The following TMEM17 variants were observed in gnomAD, a reference collection of about 807,000 sequenced individuals.
TMEM17 encodes transmembrane protein 17.
In TMEM17, 15 loss-of-function variants were observed where a neutral mutation model predicts 19.1. That is an observed-to-expected ratio of 0.78 (90% CI 0.52 to 1.21). TMEM17 has a LOEUF of 1.21. TMEM17 is among the 50% of genes most tolerant of loss of function. The probability of loss-of-function intolerance (pLI) is 0.00; values close to 1 mark genes in which losing one functional copy is unlikely to be tolerated. For synonymous variants in TMEM17, 103 were observed against 86.9 expected (o/e 1.19, Z -1.03); for missense variants, 245 against 242.3 (o/e 1.01, Z -0.07).
downstream of TMEM17, among the ~76,000 whole-genome samples, chr2:62,497,062 G>C (rs187365931): frequency 2.0e-5 from 3 of 152,108 alleles, no homozygotes; most frequent in Non-Finnish European, 4.4e-5. Context: ...CTGAAAAGAT[G>C]AATTAGAAAA....
At chr2:62,468,527 C>T in the TMEM17 span, among the ~76,000 whole-genome samples, 3 of 152,164 alleles carry the variant, frequency 2.0e-5, no homozygotes, top group African/African-American at 7.2e-5. Context: ...GTCACATCTA[C>T]GTTTAACCTC....
At chr2:62,471,865 C>T in the TMEM17 span, among the ~76,000 whole-genome samples, 8 of 152,228 alleles carry the variant, frequency 5.3e-5, no homozygotes, top group South Asian at 2.1e-4. Context: ...CTCTTCTCCA[C>T]GGGCTGCTGA....
At chr2:62,486,154 A>G in the TMEM17 span, among the ~76,000 whole-genome samples, 1 of 152,292 alleles carries the variant, frequency 6.6e-6, no homozygotes, top group Non-Finnish European at 1.5e-5. Context: ...TGACCAGGAA[A>G]GAATGGTTCA....
chr2:62,480,442 A>G, the TMEM17 span, among the ~76,000 whole-genome samples: 1 of 151,824 alleles, frequency 6.6e-6, no homozygotes, highest in African/African-American at 2.4e-5. Flanking sequence ...GTTACTTTTT[A>G]CTTTGGTTAT....
At chr2:62,489,512 A>G in the TMEM17 span, among the ~76,000 whole-genome samples, 1 of 152,260 alleles carries the variant, frequency 6.6e-6, no homozygotes, top group South Asian at 2.1e-4. Flanking sequence ...GGGCTTAATT[A>G]TTCTTGTATT....
chr2:62,505,467 T>C (rs917434275), intron 1 of TMEM17, among the ~76,000 whole-genome samples: 1 of 150,888 alleles, frequency 6.6e-6, no homozygotes, highest in Non-Finnish European at 1.5e-5. Flanking sequence ...CTCATTAACT[T>C]TTTTTTTTAA....
the TMEM17 span, among the ~76,000 whole-genome samples, chr2:62,459,579 C>A: frequency 1.3e-5 from 2 of 152,220 alleles, no homozygotes; most frequent in African/African-American, 4.8e-5. Flanking sequence ...TGCTTTTAAT[C>A]ACTACAAACT....
At chr2:62,479,585 T>C in the TMEM17 span, among the ~76,000 whole-genome samples, 1 of 152,136 alleles carries the variant, frequency 6.6e-6, no homozygotes, top group African/African-American at 2.4e-5. Flanking sequence ...CTTTCCTTTG[T>C]ATAAATTCCC....
At chr2:62,468,242 G>A in the TMEM17 span, among the ~76,000 whole-genome samples, 3 of 152,162 alleles carry the variant, frequency 2.0e-5, no homozygotes, top group Non-Finnish European at 1.5e-5. Flanking sequence ...AGAGGCTGCG[G>A]TTTGGCCCAG....
intron 1 of TMEM17, 82 bp downstream of exon 1, chr2:62,505,948 T>A (rs1680059120): frequency 1.5e-6 from 2 of 1,310,624 alleles, no homozygotes; most frequent in Admixed American, 2.2e-5. Context: ...CCATTTTAGG[T>A]ACGGGCAAAT....
At chr2:62,482,490 C>G in the TMEM17 span, among the ~76,000 whole-genome samples, 1 of 152,206 alleles carries the variant, frequency 6.6e-6, no homozygotes, top group African/African-American at 2.4e-5. Flanking sequence ...CTGTGGGGAA[C>G]TCATCCAGTG....
chr2:62,488,598 T>C, the TMEM17 span, among the ~76,000 whole-genome samples: 1 of 151,704 alleles, frequency 6.6e-6, no homozygotes, highest in Admixed American at 6.6e-5. Context: ...TCCAAACATA[T>C]AGGACCCAAC....
the TMEM17 span, among the ~76,000 whole-genome samples, chr2:62,489,060 T>G: frequency 6.6e-6 from 1 of 152,126 alleles, no homozygotes; most frequent in Non-Finnish European, 1.5e-5. Flanking sequence ...TCCCCTCAGG[T>G]ATGAAAATGG....
chr2:62,474,947 C>T, the TMEM17 span, among the ~76,000 whole-genome samples: 1 of 152,114 alleles, frequency 6.6e-6, no homozygotes, highest in Non-Finnish European at 1.5e-5. Context: ...AGCAATCTAC[C>T]CTTGATGATA....
At chr2:62,485,218 G>T in the TMEM17 span, among the ~76,000 whole-genome samples, 1 of 152,220 alleles carries the variant, frequency 6.6e-6, no homozygotes, top group Non-Finnish European at 1.5e-5. Context: ...AGGATTATAG[G>T]CATAAGCTAC....
chr2:62,498,439 G>A (rs1456590363), downstream of TMEM17, among the ~76,000 whole-genome samples: 8 of 142,148 alleles, frequency 5.6e-5, no homozygotes, highest in Admixed American at 1.4e-4. Context: ...AATTTTGGCC[G>A]GGCGCGGTGG....
chr2:62,497,744 C>G (rs1444233178), downstream of TMEM17, among the ~76,000 whole-genome samples: 5 of 152,238 alleles, frequency 3.3e-5, no homozygotes, highest in Admixed American at 1.3e-4. Context: ...GCCTACCCCC[C>G]TCAGACAATG....
the TMEM17 span, among the ~76,000 whole-genome samples, chr2:62,462,708 A>G: frequency 6.6e-6 from 1 of 152,022 alleles, no homozygotes; most frequent in African/African-American, 2.4e-5. Flanking sequence ...CTTTCAATAA[A>G]CCCTACTTTG....
chr2:62,489,648 T>C, the TMEM17 span, among the ~76,000 whole-genome samples: 6 of 152,180 alleles, frequency 3.9e-5, no homozygotes, highest in African/African-American at 1.4e-4. Flanking sequence ...TTGGGAGCTG[T>C]TTTTATAACA....
Sources: gnomAD v4.1 joint callset for allele counts (sites outside exome capture counted in the v4.1 genomes callset) on GRCh38, gnomAD v4.1.1 for gene constraint, MANE v1.5 for transcripts, NCBI Gene and HGNC (gene_info 2026-07-23, HGNC 2026-07-21) for gene names.